Variants in TSHZ2 observed in about 807,000 individuals in gnomAD.
TSHZ2 encodes teashirt homolog 2.
Under a neutral mutation model 74.4 loss-of-function variants are expected in TSHZ2, and 21 were observed. The ratio of observed to expected loss-of-function variants is 0.28; its 90% CI spans 0.20 to 0.41. The LOEUF (loss-of-function observed/expected upper bound fraction) is 0.41, where lower values mean the gene tolerates loss of function less well. TSHZ2 is among the 10% of genes least tolerant of loss of function. The probability of loss-of-function intolerance (pLI) is 1.00; values close to 1 mark genes in which losing one functional copy is unlikely to be tolerated. For missense variants in TSHZ2, 1,244 were observed against 1,293.5 expected, an observed-to-expected ratio of 0.96 and a Z score of 0.59; for synonymous variants, 540 against 515.3, an observed-to-expected ratio of 1.05 and a Z score of -0.65.
At chr20:53,133,875 T>G (rs1054380010) in intron 1 of TSHZ2, among the ~76,000 whole-genome samples, 3 of 150,402 alleles carry the variant, frequency 2.0e-5, no homozygotes, top group Non-Finnish European at 4.4e-5. Flanking sequence ...CTTTGACCAA[T>G]AGAACAAGTA....
intron 1 of TSHZ2, among the ~76,000 whole-genome samples, chr20:53,014,230 G>A (rs762361200): frequency 8.6e-5 from 13 of 151,996 alleles, no homozygotes; most frequent in African/African-American, 2.7e-4. Context: ...AGAAGAGAGC[G>A]AGTGCACATC....
chr20:53,472,365 T>A (rs1985836020), intron 2 of TSHZ2, among the ~76,000 whole-genome samples: 1 of 151,506 alleles, frequency 6.6e-6, no homozygotes, highest in African/African-American at 2.4e-5. Flanking sequence ...GAGGGAGGAG[T>A]GAGGGCACAG....
intron 1 of TSHZ2, among the ~76,000 whole-genome samples, chr20:53,252,386 T>A (rs772408962): frequency 5.3e-5 from 8 of 152,198 alleles, no homozygotes; most frequent in Non-Finnish European, 1.2e-4. Context: ...TGCATTAAGA[T>A]TGTGCAGGCC....
chr20:53,204,156 TATG>T (rs1340500198), intron 1 of TSHZ2, among the ~76,000 whole-genome samples: 5 of 140,338 alleles, frequency 3.6e-5, no homozygotes, highest in Admixed American at 7.0e-5. Context: ...CATATGATGA[TATG>T]ATACTATATC....
At chr20:53,063,033 C>T (rs1392245486) in intron 1 of TSHZ2, among the ~76,000 whole-genome samples, 3 of 151,984 alleles carry the variant, frequency 2.0e-5, no homozygotes, top group Non-Finnish European at 2.9e-5. Flanking sequence ...TTGGCACCCC[C>T]GAAACAATTA....
At chr20:53,317,028 G>A (rs773687915) in intron 2 of TSHZ2, among the ~76,000 whole-genome samples, 12 of 152,242 alleles carry the variant, frequency 7.9e-5, no homozygotes, top group Admixed American at 2.6e-4. Flanking sequence ...AAATACCCCT[G>A]AGAGCAGTAG....
intron 1 of TSHZ2, among the ~76,000 whole-genome samples, chr20:53,233,040 T>C (rs1410760806): frequency 6.6e-6 from 1 of 152,258 alleles, no homozygotes; most frequent in Non-Finnish European, 1.5e-5. Context: ...CTCTTGTGTT[T>C]ATATAAAAAG....
chr20:53,395,453 C>T (rs1487219272), intron 2 of TSHZ2, among the ~76,000 whole-genome samples: 1 of 152,226 alleles, frequency 6.6e-6, no homozygotes, highest in African/African-American at 2.4e-5. Flanking sequence ...TTCTGTGACA[C>T]ATGTCCAAAT....
intron 1 of TSHZ2, among the ~76,000 whole-genome samples, chr20:52,977,063 G>T (rs1177717746): frequency 6.6e-6 from 1 of 152,104 alleles, no homozygotes; most frequent in Non-Finnish European, 1.5e-5. Context: ...TATTTACATG[G>T]GAAACATAGT....
chr20:53,105,753 T>C (rs2800998), intron 1 of TSHZ2, among the ~76,000 whole-genome samples: 68,161 of 151,938 alleles, frequency 0.45, 15,925 homozygotes, highest in African/African-American at 0.55. Flanking sequence ...CTCAAGCCAT[T>C]CTCCCACCTC....
At chr20:53,114,100 A>C (rs1021945644) in intron 1 of TSHZ2, among the ~76,000 whole-genome samples, 1 of 104,658 alleles carries the variant, frequency 9.6e-6, no homozygotes, top group Non-Finnish European at 1.9e-5. Context: ...TCTCTTATGA[A>C]AAAAAAAAAA....
intron 2 of TSHZ2, among the ~76,000 whole-genome samples, chr20:53,355,403 A>G (rs890576896): frequency 1.3e-5 from 2 of 152,248 alleles, no homozygotes; most frequent in Non-Finnish European, 2.9e-5. Flanking sequence ...TGATGTATTC[A>G]TACCATGGAA....
chr20:53,446,272 G>T (rs761380659), intron 2 of TSHZ2, among the ~76,000 whole-genome samples: 1 of 151,984 alleles, frequency 6.6e-6, no homozygotes, highest in Non-Finnish European at 1.5e-5. Flanking sequence ...TGAATAGAAG[G>T]TCAGCTTTTG....
chr20:53,362,506 A>G (rs1304289735), intron 2 of TSHZ2, among the ~76,000 whole-genome samples: 1 of 152,138 alleles, frequency 6.6e-6, no homozygotes, highest in Non-Finnish European at 1.5e-5. Flanking sequence ...ATATGCTCTG[A>G]ACTGTATAGA....
intron 2 of TSHZ2, among the ~76,000 whole-genome samples, chr20:53,437,300 C>T (rs1460814060): frequency 6.6e-6 from 1 of 152,024 alleles, no homozygotes; most frequent in Non-Finnish European, 1.5e-5. Context: ...TGGTGAAACC[C>T]TGTGTCTACT....
At chr20:53,259,558 A>G (rs995352807) in intron 2 of TSHZ2, among the ~76,000 whole-genome samples, 1 of 152,252 alleles carries the variant, frequency 6.6e-6, no homozygotes, top group Non-Finnish European at 1.5e-5. Flanking sequence ...TATAGTCATC[A>G]CTGTGTAATA....
rs370108566 is a variant in TSHZ2, at chr20:53,089,341, T to TTTTTTA, written c.40+116008_40+116009insTTTTTA. Reference sequence around the variant, plus strand: ...TTTTCTTTTTTTTTTTTTTTTTTTTTATTAAACAGAGTTTTTCCAACTTCC... The same window carrying TTTTTTA: ...TTTTCTTTTTTTTTTTTTTTTTTTTTTTTTTAATTAAACAGAGTTTTTCCAACTTCC... On this transcript the variant is annotated intron_variant, in intron 1 of 2. Transcript: ENST00000371497. Among the ~76,000 whole-genome samples, 29 of 129,780 alleles carry TTTTTTA rather than the reference T, an allele frequency of 2.2e-4. 2 individuals carry two copies. The South Asian group carries it at 3.9e-3, about 17-fold the overall frequency. 85.1% of individuals were successfully genotyped at this position (129,780 alleles called of 152,430 possible).
chr20:52,983,082 C>T (rs1981626949), intron 1 of TSHZ2, among the ~76,000 whole-genome samples: 1 of 152,166 alleles, frequency 6.6e-6, no homozygotes, highest in South Asian at 2.1e-4. Context: ...AACACATTCC[C>T]AGCCTTCATA....
chr20:53,259,875 A>G (rs1481825516), intron 2 of TSHZ2, among the ~76,000 whole-genome samples: 1 of 152,220 alleles, frequency 6.6e-6, no homozygotes. Flanking sequence ...TTATTAGCTA[A>G]ATCTGGCAAC....
Sources: gnomAD v4.1 joint callset for allele counts (sites outside exome capture counted in the v4.1 genomes callset) on GRCh38, gnomAD v4.1.1 for gene constraint, MANE v1.5 for transcripts, NCBI Gene and HGNC (gene_info 2026-07-23, HGNC 2026-07-21) for gene names.